The following RARB variants were observed in gnomAD, a reference collection of about 807,000 sequenced individuals.
The protein encoded by RARB is retinoic acid receptor beta.
In RARB, 17 loss-of-function variants were observed where a neutral mutation model predicts 51.9. The ratio of observed to expected loss-of-function variants is 0.33; its 90% confidence interval spans 0.22 to 0.49. The LOEUF (loss-of-function observed/expected upper bound fraction) is 0.49. Ranked by LOEUF, RARB falls within the 20% of genes least tolerant of loss-of-function variation. The pLI, the probability that RARB is intolerant of heterozygous loss-of-function variation, is 0.99. For missense variants in RARB, 369 were observed against 550.8 expected, an observed-to-expected ratio of 0.67 and a Z score of 3.30; for synonymous variants, 215 against 195.4, an observed-to-expected ratio of 1.10 and a Z score of -0.84.
chr3:24,988,073 T>C (rs1696832893), intron 2 of RARB, among the ~76,000 whole-genome samples: 1 of 152,174 alleles, frequency 6.6e-6, no homozygotes, highest in South Asian at 2.1e-4. Flanking sequence ...GTTGAAACGC[T>C]TGCTAGATGT....
intron 2 of RARB, among the ~76,000 whole-genome samples, chr3:25,496,159 C>A (rs950828407): frequency 1.3e-5 from 2 of 152,218 alleles, no homozygotes; most frequent in Non-Finnish European, 2.9e-5. Context: ...TCAACAATTA[C>A]AATTACAATT....
chr3:25,264,425 A>G (rs1250709649), intron 5 of RARB, among the ~76,000 whole-genome samples: 1 of 152,156 alleles, frequency 6.6e-6, no homozygotes, highest in African/African-American at 2.4e-5. Context: ...GAACAATGCC[A>G]CTTGAATTCA....
intron 5 of RARB, among the ~76,000 whole-genome samples, chr3:25,354,170 C>A (rs968909034): frequency 6.6e-6 from 1 of 151,994 alleles, no homozygotes. Context: ...AAATGTAACC[C>A]TCCAAACTGC....
intron 5 of RARB, among the ~76,000 whole-genome samples, chr3:25,267,872 G>C (rs1703161605): frequency 6.6e-6 from 1 of 152,178 alleles, no homozygotes; most frequent in Non-Finnish European, 1.5e-5. Flanking sequence ...TTTCTGGGTT[G>C]AGCTACTCAG....
chr3:24,955,740 A>C (rs1404454915), intron 2 of RARB, among the ~76,000 whole-genome samples: 1 of 152,168 alleles, frequency 6.6e-6, no homozygotes, highest in Non-Finnish European at 1.5e-5. Flanking sequence ...TTTCGGGAGC[A>C]ATAAGTCATC....
At position 25,508,443 on chromosome 3, in the gene RARB, A is replaced by G. The variant is rs1376650538; in HGVS notation, c.448+7120A>G. 2.6e-5 allele frequency among the ~76,000 whole-genome samples: 4 copies of G among 152,306 alleles called. No homozygotes were observed. In the East Asian group the frequency reaches 7.7e-4, roughly 29 times the overall value. The stretch of plus-strand genomic sequence containing the variant: ...TTTTGGACTAAAGGCACTTAACCTC[A>G]GTTAGAATCACCTTTGCTTGTGCAC... On this transcript the variant is annotated intron_variant, in intron 3 of 7. Coordinates refer to ENST00000330688, the MANE Select transcript of RARB (RefSeq NM_000965.5).
chr3:24,877,615 G>C (rs1703072676), intron 2 of RARB, among the ~76,000 whole-genome samples: 1 of 152,092 alleles, frequency 6.6e-6, no homozygotes, highest in Admixed American at 6.6e-5. Flanking sequence ...GTAAGGGCAG[G>C]AGGTTTTAGT....
chr3:25,439,425 A>G (rs1372627981), intron 1 of RARB, among the ~76,000 whole-genome samples: 1 of 152,000 alleles, frequency 6.6e-6, no homozygotes, highest in East Asian at 1.9e-4. Flanking sequence ...TATTTTTTTG[A>G]GACAGGGTCT....
intron 5 of RARB, among the ~76,000 whole-genome samples, chr3:25,405,686 C>A (rs1283076203): frequency 2.6e-5 from 4 of 152,224 alleles, no homozygotes; most frequent in Non-Finnish European, 5.9e-5. Flanking sequence ...GTTGTTCAGT[C>A]ATAGTATCTT....
chr3:24,847,790 G>A (rs1702503322), intron 1 of RARB, among the ~76,000 whole-genome samples: 1 of 152,186 alleles, frequency 6.6e-6, no homozygotes, highest in Non-Finnish European at 1.5e-5. Context: ...CTTCTAGGTT[G>A]GAGCTGCAGA....
At chr3:25,530,567 C>T (rs1464109328) in intron 3 of RARB, among the ~76,000 whole-genome samples, 1 of 152,216 alleles carries the variant, frequency 6.6e-6, no homozygotes, top group African/African-American at 2.4e-5. Context: ...CTTCCATCTT[C>T]AAAGCCAGCC....
At chr3:24,999,392 AG>A (rs139366139) in intron 2 of RARB, among the ~76,000 whole-genome samples, 2 of 152,132 alleles carry the variant, frequency 1.3e-5, no homozygotes, top group Non-Finnish European at 2.9e-5. Context: ...GAGTTTGGGG[AG>A]GATGCCTCAA....
intron 2 of RARB, among the ~76,000 whole-genome samples, chr3:25,483,300 A>G (rs1032680577): frequency 5.3e-5 from 8 of 152,336 alleles, no homozygotes; most frequent in East Asian, 3.9e-4. Flanking sequence ...TTGAAAAAAT[A>G]TGTGTACATA....
intron 5 of RARB, among the ~76,000 whole-genome samples, chr3:25,280,558 G>T (rs1027035159): frequency 3.3e-5 from 5 of 152,206 alleles, no homozygotes; most frequent in Admixed American, 1.3e-4. Context: ...ATGGGGTATT[G>T]GGTGTCAAAT....
intron 2 of RARB, among the ~76,000 whole-genome samples, chr3:24,895,829 C>T (rs976114189): frequency 2.0e-5 from 3 of 152,096 alleles, no homozygotes; most frequent in Admixed American, 2.0e-4. Flanking sequence ...AAAAATGAAG[C>T]ATAGAATAAC....
chr3:25,124,677 G>A (rs528912093), intron 3 of RARB, among the ~76,000 whole-genome samples: 2 of 152,144 alleles, frequency 1.3e-5, no homozygotes, highest in African/African-American at 2.4e-5. Context: ...AAGCATATCC[G>A]CTGAAATGCA....
chr3:24,925,722 G>A (rs1695307301), intron 2 of RARB, among the ~76,000 whole-genome samples: 1 of 149,690 alleles, frequency 6.7e-6, no homozygotes, highest in Non-Finnish European at 1.5e-5. Flanking sequence ...TTTGAAATGC[G>A]GCAAGCTATT....
chr3:24,953,493 T>G (rs1274668776), intron 2 of RARB, among the ~76,000 whole-genome samples: 2 of 152,270 alleles, frequency 1.3e-5, no homozygotes, highest in East Asian at 1.9e-4. Flanking sequence ...ACTGAGCACT[T>G]TCTTACATTG....
At chr3:25,080,596 ATTTAGCCATCCTACTTG>A (rs935311095) in intron 3 of RARB, among the ~76,000 whole-genome samples, 1 of 152,132 alleles carries the variant, frequency 6.6e-6, no homozygotes, top group African/African-American at 2.4e-5. Flanking sequence ...ATTGTTTTGA[ATTTAGCCATCCTACTTG>A]GTGTGATGCT....
Sources: gnomAD v4.1 joint callset for allele counts (sites outside exome capture counted in the v4.1 genomes callset) on GRCh38, gnomAD v4.1.1 for gene constraint, MANE v1.5 for transcripts, NCBI Gene and HGNC (gene_info 2026-07-23, HGNC 2026-07-21) for gene names.